Variants in GNS observed in about 807,000 individuals in gnomAD.
The protein encoded by GNS is N-acetylglucosamine-6-sulfatase.
A neutral mutation model predicts 69.7 loss-of-function variants in GNS; 40 were observed. The ratio of observed to expected loss-of-function variants is 0.57; its 90% confidence interval spans 0.45 to 0.75. GNS has a LOEUF of 0.75. GNS is among the 30% of genes least tolerant of loss of function. The pLI is 0.00. For missense variants in GNS, 565 were observed against 685.5 expected (o/e 0.82, Z 1.96); for synonymous variants, 243 against 251.6 (o/e 0.97, Z 0.32).
intron 11 of GNS, among the ~76,000 whole-genome samples, chr12:64,722,548 A>T (rs1191570051): frequency 6.6e-6 from 1 of 152,230 alleles, no homozygotes; most frequent in African/African-American, 2.4e-5. Flanking sequence ...TCCAAGTGGA[A>T]GCCTATTTTC....
chr12:64,744,803 A>T lies in GNS; in HGVS notation c.624+6T>A. 1 of 1,382,328 alleles carries T rather than the reference A, an allele frequency of 7.2e-7. No homozygotes were observed. The highest frequency in any genetic ancestry group is 1.8e-4 in the Middle Eastern group (1 of 5,628). The allele number at this position is 1,382,328 out of a possible 1,614,324, so 85.6% of individuals were successfully genotyped here. A position where few individuals can be genotyped will look rare whatever the true frequency, so the allele number is the denominator to read the frequency against. ...AGGACAGAGCTACAAAGCTTCTGCA[A>T]CTCACCAAAACATCTGTCAGGTAGT... is the stretch of plus-strand genomic sequence containing the variant. On this transcript the variant is annotated splice_donor_region_variant and intron_variant, in intron 5 of 13. Coordinates refer to ENST00000258145, the MANE Select transcript of GNS (RefSeq NM_002076.4).
At chr12:64,740,396 C>G (rs1869694374) in intron 7 of GNS, among the ~76,000 whole-genome samples, 2 of 152,178 alleles carry the variant, frequency 1.3e-5, no homozygotes, top group South Asian at 4.1e-4. Context: ...AATGGGCAGT[C>G]TAATTAGTAC....
In GNS at chr12:64,752,859, C is replaced by G. The variant is rs1279450313; in HGVS notation, c.193-102G>C. On this transcript the variant is annotated intron_variant, in intron 1 of 13. Coordinates refer to ENST00000258145, the MANE Select transcript of GNS (RefSeq NM_002076.4). The stretch of plus-strand genomic sequence containing the variant: ...TTACATCTTACTCAATCTTTTATTC[C>G]CAAATGGTCAGCTCTAAGCAACAGC... 2.3e-5 allele frequency: 17 copies of G among 730,700 alleles called. No homozygotes were observed. The South Asian group carries it at 2.3e-4, about 10-fold the overall frequency. The allele number at this position is 730,700 out of a possible 1,614,324, so 45.3% of individuals were successfully genotyped here. A position where few individuals can be genotyped will look rare whatever the true frequency, so the allele number is the denominator to read the frequency against.
intron 9 of GNS, among the ~76,000 whole-genome samples, chr12:64,730,374 AAC>A (rs1408391646): frequency 6.6e-6 from 1 of 151,498 alleles, no homozygotes; most frequent in Non-Finnish European, 1.5e-5. Context: ...ACAAAACAAA[AAC>A]ACCCCAGCCC....
At chr12:64,717,654 C>T (rs939432308) in intron 13 of GNS, among the ~76,000 whole-genome samples, 9 of 151,904 alleles carry the variant, frequency 5.9e-5, no homozygotes, top group Admixed American at 4.6e-4. Context: ...TGAGCCACCG[C>T]GCCCAGCCAG....
chr12:64,747,154 C>T (rs1017770515), intron 3 of GNS, among the ~76,000 whole-genome samples: 8 of 152,180 alleles, frequency 5.3e-5, no homozygotes, highest in Non-Finnish European at 8.8e-5. Context: ...GCTGGTGTAC[C>T]AGCTGCTGGC....
chr12:64,750,504 A>G (rs1870044547), intron 2 of GNS, among the ~76,000 whole-genome samples: 1 of 152,210 alleles, frequency 6.6e-6, no homozygotes, highest in South Asian at 2.1e-4. Flanking sequence ...TAAAAAAATT[A>G]CTTTGATTAT....
At chr12:64,753,273 C>T (rs1318656522) in intron 1 of GNS, among the ~76,000 whole-genome samples, 2 of 152,122 alleles carry the variant, frequency 1.3e-5, no homozygotes, top group Non-Finnish European at 2.9e-5. Flanking sequence ...CCCACAAGCA[C>T]CTCAGGATAA....
chr12:64,715,985 T>C lies in GNS; in HGVS notation c.*756A>G, dbSNP rs948413130. 6.5e-6 allele frequency: 1 copy of C among 153,230 alleles called. No individual in the cohort carries two copies. Among genetic ancestry groups the C allele is most frequent in the African/African-American group, 2.4e-5 (1 of 41,456 alleles). The allele number at this position is 153,230 out of a possible 1,614,324, so 9.5% of individuals were successfully genotyped here. A position where few individuals can be genotyped will look rare whatever the true frequency, so the allele number is the denominator to read the frequency against. On this transcript the variant is annotated 3_prime_UTR_variant, in exon 14 of 14. Transcript: ENST00000258145. ...AGGGACCTTGCCTTAATCCTTCCAG[T>C]GTTAACTGGCACTCCCTGTGGTTGG...
intron 2 of GNS, among the ~76,000 whole-genome samples, chr12:64,749,250 T>A (rs1869998011): frequency 4.3e-5 from 2 of 46,242 alleles, no homozygotes; most frequent in Admixed American, 4.4e-4. Context: ...TGATTTGGCT[T>A]TTTTTTTTTT....
chr12:64,759,291 G>C lies in GNS; in HGVS notation c.-15C>G. On this transcript the variant is annotated 5_prime_UTR_variant, in exon 1 of 14. Transcript: ENST00000258145. ...AGGAGCCGCATAGCGGACAGGCTCC[G>C]GGGTGACCCCGGGACGGGACGGGAC... 1 of 1,491,494 alleles carries C rather than the reference G, an allele frequency of 6.7e-7. No individual in the cohort carries two copies. The highest frequency in any genetic ancestry group is 8.9e-7 in the Non-Finnish European group (1 of 1,120,276). 92.4% of individuals were successfully genotyped at this position (1,491,494 alleles called of 1,614,324 possible). A position where few individuals can be genotyped will look rare whatever the true frequency, so the allele number is the denominator to read the frequency against.
rs774174423 is a variant in GNS, at chr12:64,744,885, T to C, written c.548A>G (p.Asn183Ser). The C allele has an allele frequency of 6.7e-7, 1 of 1,501,762 alleles. No individual in the cohort carries two copies. The highest frequency in any genetic ancestry group is 9.3e-7 in the Non-Finnish European group (1 of 1,077,482). The allele number at this position is 1,501,762 out of a possible 1,614,324, so 93.0% of individuals were successfully genotyped here. A position where few individuals can be genotyped will look rare whatever the true frequency, so the allele number is the denominator to read the frequency against. The change falls in exon 5 of 14, where the codon AAT (asparagine) becomes AGT (serine). Residue 183 changes from asparagine to serine, a missense_variant. Asn to Ser is a conservative substitution (Grantham distance 46). Around this residue, in one of 2 missense-constraint regions of GNS, gnomAD observed 384 missense variants for 511.0 expected, o/e 0.75. Coordinates refer to ENST00000258145, the MANE Select transcript of GNS (RefSeq NM_002076.4). Reference protein sequence around the residue: ...YALEKNSKYYNYTLSINGKAR... With the variant: ...YALEKNSKYYSYTLSINGKAR... ...CTTCCCATTGATAGACAGGGTGTAA[T>C]TATAATACTTAGAATTCTTTTCCTA...
intron 9 of GNS, among the ~76,000 whole-genome samples, chr12:64,736,669 C>T (rs766971803): frequency 1.3e-5 from 2 of 152,226 alleles, no homozygotes; most frequent in Non-Finnish European, 2.9e-5. Flanking sequence ...TGCCCAAGCA[C>T]GTACCATTTT....
chr12:64,721,373 T>A (rs753500614), intron 12 of GNS, among the ~76,000 whole-genome samples: 1 of 152,192 alleles, frequency 6.6e-6, no homozygotes, highest in Non-Finnish European at 1.5e-5. Context: ...AAGTGTATAT[T>A]TGGGTGGTGG....
rs535276240 is a variant in GNS at position 64,756,909 on chromosome 12, C to G, written c.192+2176G>C. 25 of 574,238 alleles carry G rather than the reference C, an allele frequency of 4.4e-5. 2 individuals carry two copies. The highest frequency in any genetic ancestry group is 4.7e-4 in the Middle Eastern group (1 of 2,134). 35.6% of individuals were successfully genotyped at this position (574,238 alleles called of 1,614,324 possible). Reference sequence around the variant, plus strand: ...GTGGCTCATGCCTGTAATCCCAGCACTTTGGGAGGCTGAGGTCCAGGAGTT... The same window carrying G: ...GTGGCTCATGCCTGTAATCCCAGCAGTTTGGGAGGCTGAGGTCCAGGAGTT... On this transcript the variant is annotated intron_variant, in intron 1 of 13. Transcript: ENST00000258145.
At chr12:64,753,659 G>C (rs1388167654) in intron 1 of GNS, among the ~76,000 whole-genome samples, 1 of 152,166 alleles carries the variant, frequency 6.6e-6, no homozygotes, top group Non-Finnish European at 1.5e-5. Flanking sequence ...AAATACATAA[G>C]TAGGTTAACA....
At chr12:64,757,086 G>A (rs769990727) in intron 1 of GNS, among the ~76,000 whole-genome samples, 55 of 152,192 alleles carry the variant, frequency 3.6e-4, no homozygotes, top group Admixed American at 4.6e-4. Flanking sequence ...GACTGAGGCA[G>A]GAGGACTGCT....
chr12:64,741,721 T>C (rs987970893), intron 6 of GNS, among the ~76,000 whole-genome samples: 7 of 152,162 alleles, frequency 4.6e-5, no homozygotes, highest in Non-Finnish European at 7.3e-5. Context: ...CATCCCTATA[T>C]ACTATTCTCT....
intron 10 of GNS, among the ~76,000 whole-genome samples, chr12:64,726,623 T>C (rs1410641777): frequency 6.6e-6 from 1 of 152,126 alleles, no homozygotes; most frequent in Admixed American, 6.6e-5. Context: ...GCCTTCCAAG[T>C]AGTTGGGACT....
Sources: gnomAD v4.1 joint callset for allele counts (sites outside exome capture counted in the v4.1 genomes callset) on GRCh38, gnomAD v4.1.1 for gene constraint, gnomAD v4.1.1 regional missense constraint, MANE v1.5 for transcripts, NCBI Gene and HGNC (gene_info 2026-07-23, HGNC 2026-07-21) for gene names.